PDZD4: variants seen among roughly 807,000 people sequenced by gnomAD.
PDZD4 encodes the protein PDZ domain containing 4.
Under a neutral mutation model 38.5 loss-of-function variants are expected in PDZD4, and 9 were observed. That is an observed-to-expected ratio of 0.23 (90% CI 0.14 to 0.41). PDZD4 has a LOEUF of 0.41. Ranked by LOEUF, PDZD4 falls within the 10% of genes least tolerant of loss-of-function variation. The probability of loss-of-function intolerance (pLI) is 1.00; values close to 1 mark genes in which losing one functional copy is unlikely to be tolerated. For synonymous variants in PDZD4, 349 were observed against 315.7 expected, an observed-to-expected ratio of 1.11 and a Z score of -1.12; for missense variants, 612 against 722.0, an observed-to-expected ratio of 0.85 and a Z score of 1.75.
chrX:153,804,926 CAGTT>C (rs1195296703), intron 7 of PDZD4, 26 bp from the exon 8 acceptor site: 17 of 1,180,063 alleles, frequency 1.4e-5, no homozygotes, highest in Non-Finnish European at 1.9e-5. Flanking sequence ...AAGTACCGCT[CAGTT>C]AGGTCCCACG....
chrX:153,815,002 G>A (rs1374004084), intron 1 of PDZD4, among the ~76,000 whole-genome samples: 1 of 112,783 alleles, frequency 8.9e-6, no homozygotes, highest in African/African-American at 3.2e-5. Flanking sequence ...CTGAGGAGGC[G>A]GAGGAGCACA....
At chrX:153,824,789 G>C (rs782420262) in intron 1 of PDZD4, among the ~76,000 whole-genome samples, 1 of 111,359 alleles carries the variant, frequency 9.0e-6, no homozygotes, top group African/African-American at 3.3e-5. Flanking sequence ...ACCTGAGGTC[G>C]GGAGTTCAAG....
At chrX:153,818,783 C>T (rs1208274770) in intron 1 of PDZD4, among the ~76,000 whole-genome samples, 1 of 111,089 alleles carries the variant, frequency 9.0e-6, no homozygotes, top group African/African-American at 3.3e-5. Flanking sequence ...TTTTCAGGAA[C>T]ATCAGAGGGG....
intron 1 of PDZD4, chrX:153,829,415 C>T (rs1557083187): frequency 8.9e-6 from 1 of 111,931 alleles, no homozygotes; most frequent in Non-Finnish European, 1.9e-5. Context: ...CCACTTAGCC[C>T]TAGGAGGTCT....
intron 1 of PDZD4, among the ~76,000 whole-genome samples, chrX:153,825,293 C>T (rs2064469572): frequency 8.9e-6 from 1 of 112,435 alleles, no homozygotes; most frequent in South Asian, 3.7e-4. Context: ...GGTTTATCCC[C>T]TGACCATCTC....
rs111509345 is a variant in PDZD4 at position 153,812,881 on chromosome X, C to T, written c.61-4286G>A. On this transcript the variant is annotated intron_variant, in intron 1 of 7. Transcript: ENST00000393758. ...AAGCCACCCCTGTAATGCCCCAACCCTCGGATTGCCTACTCGACCACTCCA... is the reference window on the plus strand; with the variant it reads ...AAGCCACCCCTGTAATGCCCCAACCTTCGGATTGCCTACTCGACCACTCCA... 9.3e-3 allele frequency among the ~76,000 whole-genome samples: 1,020 copies of T among 109,140 alleles called. 19 individuals carry two copies. The highest frequency in any genetic ancestry group is 0.032 in the African/African-American group (968 of 29,829). The allele number at this position is 109,140 out of a possible 115,157, so 94.8% of individuals were successfully genotyped here. A position where few individuals can be genotyped will look rare whatever the true frequency, so the allele number is the denominator to read the frequency against.
chrX:153,804,887 T>C lies in PDZD4; in HGVS notation c.794A>G (p.Glu265Gly). The change falls in exon 8 of 8, where the codon GAG (glutamate) becomes GGG (glycine). Residue 265 changes from glutamate (E) to glycine (G), a missense_variant. By Grantham distance (98) the Glu-to-Gly change is moderately conservative. This residue lies in a region of PDZD4 where 225 missense variants were observed against 311.0 expected (regional missense o/e 0.72). Transcript: ENST00000393758. ...SPPAQQPGNEEEKGAPDAGPG... is the reference protein window; with the variant it reads ...SPPAQQPGNEGEKGAPDAGPG... ...GCCGGCATCGGGAGCCCCCTTCTCC[T>C]CTTCGTTTCCGGGCTAGAGCAGAAA... 1 of 1,207,592 alleles carries C rather than the reference T, an allele frequency of 8.3e-7. No homozygotes were observed.
At chrX:153,821,841 C>T (rs1202830800) in intron 1 of PDZD4, among the ~76,000 whole-genome samples, 1 of 111,603 alleles carries the variant, frequency 9.0e-6, no homozygotes, top group Non-Finnish European at 1.9e-5. Context: ...CCACCTGGCC[C>T]CCACCTTTCC....
chrX:153,804,947 G>A (rs1557076407), intron 7 of PDZD4, 47 bp from the exon 8 acceptor site: 1 of 1,139,488 alleles, frequency 8.8e-7, no homozygotes, highest in Admixed American at 2.3e-5. Flanking sequence ...CACGGACAGG[G>A]ATGTCACGGG....
At chrX:153,821,459 TA>T (rs112090088) in intron 1 of PDZD4, among the ~76,000 whole-genome samples, 159 of 97,996 alleles carry the variant, frequency 1.6e-3, no homozygotes, top group African/African-American at 4.5e-3. Flanking sequence ...CCTCTATTTG[TA>T]AAAAAAAAAA....
intron 3 of PDZD4, 148 bp downstream of exon 3, chrX:153,807,131 C>T (rs141688292): frequency 0.011 from 5,900 of 549,181 alleles, 35 homozygotes; most frequent in Non-Finnish European, 0.014. Flanking sequence ...CCGACATGGA[C>T]GGAACACGTA....
chrX:153,806,024 G>A lies in PDZD4; in HGVS notation c.567+47C>T, dbSNP rs782475520. On this transcript the variant is annotated intron_variant, in intron 5 of 7. Transcript: ENST00000393758. ...GCTAAAGAGAGGTGGCTGGGCCGACGGGCACAGCGGGGCCTTGGGCCAGGC... is the reference window on the plus strand; with the variant it reads ...GCTAAAGAGAGGTGGCTGGGCCGACAGGCACAGCGGGGCCTTGGGCCAGGC... 36 of 1,183,101 alleles carry A rather than the reference G, an allele frequency of 3.0e-5. 1 individual carries two copies. The highest frequency in any genetic ancestry group is 2.0e-4 in the South Asian group (11 of 56,280).
rs782021482 is a variant in PDZD4, at chrX:153,822,613, T to C, written c.60+7626A>G. Among the ~76,000 whole-genome samples, 3 of 104,980 alleles carry C rather than the reference T, an allele frequency of 2.9e-5. No individual in the cohort carries two copies. The East Asian group carries it at 8.9e-4, about 31-fold the overall frequency. The allele number at this position is 104,980 out of a possible 115,157, so 91.2% of individuals were successfully genotyped here. ...GCCTCCGCTTTGTTCCCTGTCCATC[T>C]GTTTTTTCTTTCTCTCTCTCTCTCT... is the stretch of plus-strand genomic sequence containing the variant. On this transcript the variant is annotated intron_variant, in intron 1 of 7. Transcript: ENST00000393758.
intron 1 of PDZD4, among the ~76,000 whole-genome samples, chrX:153,822,396 A>G (rs2064434665): frequency 9.0e-6 from 1 of 111,019 alleles, no homozygotes; most frequent in South Asian, 3.8e-4. Context: ...ATCTAGCAAC[A>G]ATCAAAGCAA....
At chrX:153,823,235 T>TATATA (rs1557081767) in intron 1 of PDZD4, among the ~76,000 whole-genome samples, 4 of 101,675 alleles carry the variant, frequency 3.9e-5, no homozygotes, top group Admixed American at 1.1e-4. Context: ...ATATATATAT[T>TATATA]TTTTTTTGAG....
chrX:153,803,972 C>A lies in PDZD4; in HGVS notation c.1709G>T (p.Ser570Ile). 1 of 1,161,848 alleles carries A rather than the reference C, an allele frequency of 8.6e-7. No homozygotes were observed. The highest frequency in any genetic ancestry group is 1.1e-6 in the Non-Finnish European group (1 of 871,617). ...GCGGTGGCGCCGCGAGAGGTAAGGG[C>A]TGCTTTCAGGGCCCACACGCTCCAG... Reference protein sequence around the residue: ...LTLERVGPESSPYLSRRHRGQ... With the variant: ...LTLERVGPESIPYLSRRHRGQ... Residue 570 changes from serine (S) to isoleucine (I), a missense_variant, in exon 8 of 8, where the codon AGC becomes ATC. This residue lies in a region of PDZD4 where 300 missense variants were observed against 284.6 expected (regional missense o/e 1.05). Coordinates refer to ENST00000393758, the MANE Select transcript of PDZD4 (RefSeq NM_001303512.2).
chrX:153,818,901 G>T (rs1183636680), intron 1 of PDZD4, among the ~76,000 whole-genome samples: 4 of 111,484 alleles, frequency 3.6e-5, no homozygotes, highest in Non-Finnish European at 7.6e-5. Context: ...CACAGGGACA[G>T]GGGAGGGGGC....
At chrX:153,805,272 C>T in intron 6 of PDZD4, 65 bp from the exon 7 acceptor site, 2 of 983,678 alleles carry the variant, frequency 2.0e-6, no homozygotes, top group Admixed American at 4.5e-5. Context: ...TTCTTGTCTG[C>T]TCTGGACCCC....
intron 1 of PDZD4, among the ~76,000 whole-genome samples, chrX:153,809,968 C>T (rs1436751211): frequency 8.9e-6 from 1 of 112,884 alleles, no homozygotes; most frequent in Non-Finnish European, 1.9e-5. Context: ...CCCACAAGGT[C>T]GAAGGCTGCT....
Sources: allele counts gnomAD v4.1 joint callset (sites outside exome capture counted in the v4.1 genomes callset), GRCh38; gene constraint gnomAD v4.1.1; regional missense constraint gnomAD v4.1.1; transcripts MANE v1.5; gene names NCBI Gene and HGNC (gene_info 2026-07-23, HGNC 2026-07-21).